Variants in PPP1R9A observed in about 807,000 individuals in gnomAD.
PPP1R9A encodes protein phosphatase 1 regulatory subunit 9A, also known as neurabin-1.
PPP1R9A carries 59 observed loss-of-function variants against 141.9 expected under a neutral mutation model. That is an observed-to-expected ratio of 0.42 (90% CI 0.34 to 0.52). The LOEUF is 0.52. Among genes scored for constraint, PPP1R9A ranks in the 20% least tolerant of loss-of-function variants. PPP1R9A has a pLI of 0.10. For synonymous variants in PPP1R9A, 500 were observed against 569.7 expected (o/e 0.88, Z 1.74); for missense variants, 1,444 against 1,611.9 (o/e 0.90, Z 1.78).
chr7:95,259,243 A>G (rs1457733312), intron 12 of PPP1R9A, among the ~76,000 whole-genome samples: 1 of 152,014 alleles, frequency 6.6e-6, no homozygotes. Context: ...GGGCTTCAAA[A>G]GTAATAATTT....
Position 95,293,538 on chromosome 7 carries a change from A to G in PPP1R9A, c.*3235A>G, listed in dbSNP as rs1806648726. The G allele has an allele frequency of 6.6e-6, 1 of 152,198 alleles. No individual in the cohort carries two copies. The highest frequency in any genetic ancestry group is 1.5e-5 in the Non-Finnish European group (1 of 68,044). The allele number at this position is 152,198 out of a possible 1,614,324, so 9.4% of individuals were successfully genotyped here. On this transcript the variant is annotated 3_prime_UTR_variant, in exon 20 of 20. Coordinates refer to ENST00000433360, the MANE Select transcript of PPP1R9A (RefSeq NM_001166160.2). ...GTACTAAAGCCAAACTCAGCTTTCA[A>G]CTGGCACAAAATGGGACTGTCACCT...
Position 94,958,090 on chromosome 7 carries a change from GT to G in PPP1R9A, c.1395+46583del, listed in dbSNP as rs1797254697. Among the ~76,000 whole-genome samples, 4 of 152,050 alleles carry G rather than the reference GT, an allele frequency of 2.6e-5. No homozygotes were observed. In the South Asian group the frequency reaches 8.3e-4, roughly 31 times the overall value. On this transcript the variant is annotated intron_variant, in intron 2 of 19. Coordinates refer to ENST00000433360, the MANE Select transcript of PPP1R9A (RefSeq NM_001166160.2). Reference sequence around the variant, plus strand: ...GGACAAGACATACTTTGTATTTTGTGTGCAAAAAAAGCCTAAAATGTGGTTG... The same window carrying G: ...GGACAAGACATACTTTGTATTTTGTGGCAAAAAAAGCCTAAAATGTGGTTG...
In PPP1R9A at chr7:94,930,506, T is replaced by G. The variant is rs796749629; in HGVS notation, c.1395+18998T>G. 7.5e-4 allele frequency among the ~76,000 whole-genome samples: 114 copies of G among 152,212 alleles called. 1 individual carries two copies. Among genetic ancestry groups the G allele is most frequent in the African/African-American group, 2.6e-3 (106 of 41,534 alleles). On this transcript the variant is annotated intron_variant, in intron 2 of 19. Coordinates refer to ENST00000433360, the MANE Select transcript of PPP1R9A (RefSeq NM_001166160.2). Reference sequence around the variant, plus strand: ...GTGCCCCCAAACAATGCCTGGCTAATTTTTGTATTTTTAGTAGAGACGGCG... The same window carrying G: ...GTGCCCCCAAACAATGCCTGGCTAAGTTTTGTATTTTTAGTAGAGACGGCG...
chr7:95,226,234 G>T, intron 8 of PPP1R9A, 118 bp downstream of exon 8: 1 of 1,050,516 alleles, frequency 9.5e-7, no homozygotes, highest in Non-Finnish European at 1.3e-6. Flanking sequence ...TTTAATAACA[G>T]GTTGTCTTGA....
intron 2 of PPP1R9A, among the ~76,000 whole-genome samples, chr7:95,072,892 T>C (rs1814176083): frequency 1.7e-5 from 2 of 118,992 alleles, no homozygotes; most frequent in South Asian, 4.5e-4. Flanking sequence ...TAATATACCA[T>C]ATATAGCATA....
intron 6 of PPP1R9A, among the ~76,000 whole-genome samples, chr7:95,203,370 C>G (rs1277926854): frequency 1.3e-5 from 2 of 152,054 alleles, no homozygotes; most frequent in Non-Finnish European, 2.9e-5. Context: ...TTGACTCATA[C>G]TGTTTGCCAT....
intron 2 of PPP1R9A, chr7:95,036,642 A>G (rs1312937949): frequency 1.3e-5 from 2 of 152,184 alleles, no homozygotes; most frequent in East Asian, 3.9e-4. Flanking sequence ...CACTGCTAAC[A>G]CCTTGCATTT....
chr7:95,268,790 T>A (rs974148517), intron 13 of PPP1R9A, 83 bp downstream of exon 13: 18 of 1,509,664 alleles, frequency 1.2e-5, no homozygotes, highest in Non-Finnish European at 1.4e-5. Flanking sequence ...ATGATTTTTC[T>A]GCAAACAGAG....
Position 95,294,278 on chromosome 7 carries a change from CTTTT to C in PPP1R9A, c.*3989_*3992del. ...AAATGTCCATATTTTCTTTTCTTTT[CTTTT>C]TTTTTTTTTTTTTCTGTCATCTGTC... On this transcript the variant is annotated 3_prime_UTR_variant, in exon 20 of 20. Transcript: ENST00000433360. 1 of 115,242 alleles carries C rather than the reference CTTTT, an allele frequency of 8.7e-6. No homozygotes were observed. Among genetic ancestry groups the C allele is most frequent in the Non-Finnish European group, 1.6e-5 (1 of 60,760 alleles). The allele number at this position is 115,242 out of a possible 1,614,324, so 7.1% of individuals were successfully genotyped here.
At chr7:95,023,394 G>T (rs528736891) in intron 2 of PPP1R9A, among the ~76,000 whole-genome samples, 2 of 151,592 alleles carry the variant, frequency 1.3e-5, no homozygotes, top group African/African-American at 4.8e-5. Context: ...TCTGGCTAGC[G>T]GTCTATTTTG....
intron 16 of PPP1R9A, among the ~76,000 whole-genome samples, chr7:95,277,711 G>C (rs1373436297): frequency 6.6e-6 from 1 of 152,234 alleles, no homozygotes; most frequent in East Asian, 1.9e-4. Flanking sequence ...ATAGGCACAA[G>C]CCACTACACC....
At chr7:95,173,212 G>A (rs913058748) in intron 5 of PPP1R9A, among the ~76,000 whole-genome samples, 2 of 151,820 alleles carry the variant, frequency 1.3e-5, no homozygotes, top group Non-Finnish European at 2.9e-5. Flanking sequence ...ATAAATTGGA[G>A]CTAGACATGG....
intron 2 of PPP1R9A, among the ~76,000 whole-genome samples, chr7:94,976,542 G>T (rs1050882374): frequency 6.6e-6 from 1 of 151,922 alleles, no homozygotes; most frequent in Admixed American, 6.6e-5. Flanking sequence ...GGGTTTCAGT[G>T]TGTTAGCCAG....
At chr7:95,247,381 C>A in intron 8 of PPP1R9A, 92 bp from the exon 9 acceptor site, 1 of 1,001,168 alleles carries the variant, frequency 1.0e-6, no homozygotes, top group South Asian at 1.5e-5. Flanking sequence ...AGGCCTTTTA[C>A]TATGTAATAA....
At chr7:94,912,764 CT>C (rs1791611919) in intron 2 of PPP1R9A, among the ~76,000 whole-genome samples, 1 of 152,146 alleles carries the variant, frequency 6.6e-6, no homozygotes, top group Non-Finnish European at 1.5e-5. Flanking sequence ...GGCAGAAGTT[CT>C]GGGTCAGAAT....
chr7:95,285,588 T>C (rs1805144838), intron 17 of PPP1R9A, among the ~76,000 whole-genome samples: 1 of 152,220 alleles, frequency 6.6e-6, no homozygotes, highest in African/African-American at 2.4e-5. Flanking sequence ...TGGAAACCTG[T>C]GTCTGTGCTG....
chr7:95,225,564 AT>A (rs1369342293), intron 7 of PPP1R9A, among the ~76,000 whole-genome samples: 1 of 152,122 alleles, frequency 6.6e-6, no homozygotes, highest in Non-Finnish European at 1.5e-5. Flanking sequence ...TCTGTGATTC[AT>A]TAAACTCCCC....
At chr7:95,212,324 C>A (rs1443313614) in intron 7 of PPP1R9A, among the ~76,000 whole-genome samples, 1 of 151,562 alleles carries the variant, frequency 6.6e-6, no homozygotes, top group African/African-American at 2.4e-5. Flanking sequence ...GAAGTCTTTT[C>A]TTAAAAATAA....
At chr7:95,067,821 G>C (rs1227122186) in intron 2 of PPP1R9A, among the ~76,000 whole-genome samples, 2 of 152,074 alleles carry the variant, frequency 1.3e-5, no homozygotes, top group Non-Finnish European at 2.9e-5. Flanking sequence ...GTATACCCAG[G>C]TAACTACTGG....
Sources: allele counts gnomAD v4.1 joint callset (sites outside exome capture counted in the v4.1 genomes callset), GRCh38; gene constraint gnomAD v4.1.1; transcripts MANE v1.5; gene names NCBI Gene and HGNC (gene_info 2026-07-23, HGNC 2026-07-21).